The following FRMD5 variants were observed in gnomAD, a reference collection of about 807,000 sequenced individuals.
The protein encoded by FRMD5 is FERM domain containing 5.
FRMD5 carries 20 observed loss-of-function variants against 69.0 expected under a neutral mutation model. That is an observed-to-expected ratio of 0.29 (90% confidence interval 0.20 to 0.42). The LOEUF is 0.42. Ranked by LOEUF, FRMD5 falls within the 10% of genes least tolerant of loss-of-function variation. FRMD5 has a pLI of 1.00. For synonymous variants in FRMD5, 271 were observed against 260.1 expected (o/e 1.04, Z -0.40); for missense variants, 595 against 708.6 (o/e 0.84, Z 1.82).
At chr15:44,190,664 A>C (rs1298281143) in intron 1 of FRMD5, among the ~76,000 whole-genome samples, 1 of 152,180 alleles carries the variant, frequency 6.6e-6, no homozygotes, top group East Asian at 1.9e-4. Context: ...CTCACCCGGG[A>C]GAGGGGTCAC....
intron 1 of FRMD5, among the ~76,000 whole-genome samples, chr15:43,985,718 C>G (rs1481952773): frequency 2.2e-4 from 33 of 152,136 alleles, no homozygotes; most frequent in Non-Finnish European, 1.5e-5. Context: ...GGAGAAATGT[C>G]TATTTAATTT....
At chr15:43,894,603 C>T (rs565896244) in intron 7 of FRMD5, among the ~76,000 whole-genome samples, 2 of 151,818 alleles carry the variant, frequency 1.3e-5, no homozygotes, top group Non-Finnish European at 2.9e-5. Context: ...GAAATGAAGC[C>T]TTGGGCCTGC....
In FRMD5 at chr15:43,906,852, T is replaced by C. The variant is rs537463777; in HGVS notation, c.428-901A>G. Among the ~76,000 whole-genome samples, 860 of 151,636 alleles carry C rather than the reference T, an allele frequency of 5.7e-3. 13 individuals are homozygous for C. The highest frequency in any genetic ancestry group is 0.02 in the African/African-American group (811 of 40,996). ...TCCTGACCTCGTGATCCGCCCGCCTTGGCCTCCCAAAGTGCTGGGATTACA... is the reference window on the plus strand; with the variant it reads ...TCCTGACCTCGTGATCCGCCCGCCTCGGCCTCCCAAAGTGCTGGGATTACA... On this transcript the variant is annotated intron_variant, in intron 5 of 13. Coordinates refer to ENST00000417257, the MANE Select transcript of FRMD5 (RefSeq NM_032892.5).
intron 1 of FRMD5, among the ~76,000 whole-genome samples, chr15:44,045,341 A>G (rs1450534726): frequency 6.6e-6 from 1 of 152,182 alleles, no homozygotes; most frequent in East Asian, 1.9e-4. Context: ...ATTTATGGCA[A>G]GGACTCATTT....
At chr15:43,954,744 A>C (rs1045830879) in intron 1 of FRMD5, among the ~76,000 whole-genome samples, 1 of 152,234 alleles carries the variant, frequency 6.6e-6, no homozygotes, top group African/African-American at 2.4e-5. Flanking sequence ...GGAGCAATCC[A>C]TGCCCTTTAA....
chr15:43,878,932 CTTTTTTTT>C (rs71421808), intron 13 of FRMD5, among the ~76,000 whole-genome samples: 6 of 112,902 alleles, frequency 5.3e-5, no homozygotes, highest in African/African-American at 1.8e-4. Context: ...TTTTTCTTTT[CTTTTTTTT>C]TTTTTTTTTT....
chr15:44,191,714 G>C (rs1278299800), intron 1 of FRMD5, among the ~76,000 whole-genome samples: 1 of 151,558 alleles, frequency 6.6e-6, no homozygotes, highest in African/African-American at 2.4e-5. Flanking sequence ...TTCAAGTCCA[G>C]CCTAGGCAAC....
intron 1 of FRMD5, among the ~76,000 whole-genome samples, chr15:44,037,604 A>C (rs1370194557): frequency 6.6e-6 from 1 of 150,682 alleles, no homozygotes; most frequent in Non-Finnish European, 1.5e-5. Flanking sequence ...AGTAGCTGGG[A>C]CTACAGGTGC....
intron 1 of FRMD5, among the ~76,000 whole-genome samples, chr15:43,933,663 C>G (rs1053280326): frequency 1.2e-4 from 19 of 152,214 alleles, no homozygotes; most frequent in South Asian, 2.1e-4. Flanking sequence ...ACAAGAGTAC[C>G]AACTTCAGAG....
chr15:43,889,013 A>T (rs1329294804), intron 8 of FRMD5, 141 bp from the exon 9 acceptor site: 14 of 686,818 alleles, frequency 2.0e-5, no homozygotes, highest in Non-Finnish European at 3.3e-5. Context: ...CTGAAACAAG[A>T]CAGCAGCGCA....
intron 1 of FRMD5, among the ~76,000 whole-genome samples, chr15:44,042,984 A>G (rs1055252772): frequency 3.3e-5 from 5 of 152,234 alleles, no homozygotes; most frequent in Non-Finnish European, 1.5e-5. Context: ...GAGGAAGTCA[A>G]ATTGTCCCTA....
At chr15:44,046,752 G>T (rs8029187) in intron 1 of FRMD5, among the ~76,000 whole-genome samples, 1 of 152,050 alleles carries the variant, frequency 6.6e-6, no homozygotes, top group African/African-American at 2.4e-5. Context: ...GCAAATTCTT[G>T]GAAACACCAC....
At chr15:44,098,173 A>G (rs941870892) in intron 1 of FRMD5, among the ~76,000 whole-genome samples, 1 of 151,926 alleles carries the variant, frequency 6.6e-6, no homozygotes, top group Non-Finnish European at 1.5e-5. Context: ...CCAAGCTTCA[A>G]TGATTATGTT....
chr15:44,192,945 G>A (rs1160196305), intron 1 of FRMD5, among the ~76,000 whole-genome samples: 1 of 152,160 alleles, frequency 6.6e-6, no homozygotes, highest in African/African-American at 2.4e-5. Context: ...TTGTAATAAT[G>A]TAAAATGAGA....
chr15:44,095,388 A>C (rs1341670556), intron 1 of FRMD5, among the ~76,000 whole-genome samples: 1 of 151,958 alleles, frequency 6.6e-6, no homozygotes, highest in Non-Finnish European at 1.5e-5. Context: ...AATTTTTTGT[A>C]GAGTTAGAGT....
intron 5 of FRMD5, among the ~76,000 whole-genome samples, chr15:43,909,563 C>T (rs917833312): frequency 3.9e-5 from 6 of 151,956 alleles, no homozygotes; most frequent in Non-Finnish European, 8.8e-5. Context: ...TCACTGCAAC[C>T]GCCACCTCCT....
chr15:44,101,713 T>C (rs1313698070), intron 1 of FRMD5, among the ~76,000 whole-genome samples: 2 of 152,254 alleles, frequency 1.3e-5, no homozygotes, highest in African/African-American at 4.8e-5. Flanking sequence ...TACTATATTT[T>C]GCAGATTACT....
At chr15:44,050,274 C>T (rs1375796596) in intron 1 of FRMD5, among the ~76,000 whole-genome samples, 1 of 152,180 alleles carries the variant, frequency 6.6e-6, no homozygotes. Context: ...TATTTCAGCT[C>T]AAGTAATAAA....
intron 1 of FRMD5, among the ~76,000 whole-genome samples, chr15:43,998,831 C>T (rs928752791): frequency 3.9e-5 from 6 of 152,296 alleles, no homozygotes; most frequent in African/African-American, 1.4e-4. Flanking sequence ...TCCAAGACTC[C>T]GCCCTGCCGT....
Sources: allele counts gnomAD v4.1 joint callset (sites outside exome capture counted in the v4.1 genomes callset), GRCh38; gene constraint gnomAD v4.1.1; transcripts MANE v1.5; gene names NCBI Gene and HGNC (gene_info 2026-07-23, HGNC 2026-07-21).